The following CREB5 variants were observed in gnomAD, a reference collection of about 807,000 sequenced individuals.
The protein encoded by CREB5 is cyclic AMP-responsive element-binding protein 5.
A neutral mutation model predicts 57.1 loss-of-function variants in CREB5; 19 were observed. That is an observed-to-expected ratio of 0.33 (90% CI 0.23 to 0.49). The LOEUF is 0.49. Ranked by LOEUF, CREB5 falls within the 20% of genes least tolerant of loss-of-function variation. The probability of loss-of-function intolerance (pLI) is 0.99; values close to 1 mark genes in which losing one functional copy is unlikely to be tolerated. For missense variants in CREB5, 579 were observed against 671.6 expected (o/e 0.86, Z 1.52); for synonymous variants, 238 against 238.3 (o/e 1.00, Z 0.01).
chr7:28,379,359 A>T (rs1786912503), intron 1 of CREB5, among the ~76,000 whole-genome samples: 2 of 152,212 alleles, frequency 1.3e-5, no homozygotes, highest in Non-Finnish European at 2.9e-5. Context: ...TTTGTTTATC[A>T]CAATATGTTC....
chr7:28,819,656 A>C lies in CREB5; in HGVS notation c.*377A>C, dbSNP rs546568339. ...TTTAGCTAAAATGAGGTATACCTAG[A>C]TGTCAAGTAAGACAGATCCAAGGTA... On this transcript the variant is annotated 3_prime_UTR_variant, in exon 11 of 11. Coordinates refer to ENST00000357727, the MANE Select transcript of CREB5 (RefSeq NM_182898.4). The C allele has an allele frequency of 6.0e-6, 1 of 166,756 alleles. No homozygotes were observed. Among genetic ancestry groups the C allele is most frequent in the South Asian group, 1.6e-4 (1 of 6,268 alleles). The allele number at this position is 166,756 out of a possible 1,614,324, so 10.3% of individuals were successfully genotyped here. A position where few individuals can be genotyped will look rare whatever the true frequency, so the allele number is the denominator to read the frequency against.
At chr7:28,359,946 A>G (rs1262583169) in intron 1 of CREB5, among the ~76,000 whole-genome samples, 1 of 152,252 alleles carries the variant, frequency 6.6e-6, no homozygotes. Context: ...AACATGACAT[A>G]CAAATAGCCA....
chr7:28,784,088 CT>C (rs879412494), intron 7 of CREB5, among the ~76,000 whole-genome samples: 2 of 152,222 alleles, frequency 1.3e-5, no homozygotes, highest in Non-Finnish European at 2.9e-5. Context: ...ACTCAGATGA[CT>C]TTGTCCTGTT....
chr7:28,374,907 C>G (rs180710425), intron 1 of CREB5, among the ~76,000 whole-genome samples: 23 of 152,272 alleles, frequency 1.5e-4, no homozygotes, highest in Middle Eastern at 3.4e-3. Context: ...GCTCTTCCCT[C>G]TACAAGGGAA....
At chr7:28,424,318 C>T (rs1354657260) in intron 1 of CREB5, among the ~76,000 whole-genome samples, 1 of 152,174 alleles carries the variant, frequency 6.6e-6, no homozygotes, top group Non-Finnish European at 1.5e-5. Flanking sequence ...GTGTGTCCAG[C>T]AAGAAGGCAG....
At chr7:28,799,152 T>C (rs1002567899) in intron 7 of CREB5, among the ~76,000 whole-genome samples, 3 of 152,224 alleles carry the variant, frequency 2.0e-5, no homozygotes, top group Non-Finnish European at 4.4e-5. Context: ...CTGTGGCACA[T>C]GCAGAGCAGC....
chr7:28,641,359 G>A (rs568837143), intron 5 of CREB5, among the ~76,000 whole-genome samples: 21 of 152,228 alleles, frequency 1.4e-4, no homozygotes, highest in African/African-American at 4.6e-4. Flanking sequence ...AGGGGAAAGC[G>A]TGGAACCAAG....
intron 7 of CREB5, 51 bp from the exon 8 acceptor site, chr7:28,804,148 G>A (rs1430330035): frequency 6.4e-7 from 1 of 1,552,522 alleles, no homozygotes; most frequent in Non-Finnish European, 8.8e-7. Flanking sequence ...TCTCTATCAT[G>A]TACATGACTG....
chr7:28,366,491 T>C (rs1310544927), intron 1 of CREB5, among the ~76,000 whole-genome samples: 3 of 152,204 alleles, frequency 2.0e-5, no homozygotes, highest in Non-Finnish European at 4.4e-5. Context: ...CTCCATATTT[T>C]GTCTTTTTAA....
At chr7:28,303,405 A>C (rs1455441325) in intron 1 of CREB5, among the ~76,000 whole-genome samples, 2 of 152,232 alleles carry the variant, frequency 1.3e-5, no homozygotes, top group Non-Finnish European at 2.9e-5. Context: ...AAGCAATAAA[A>C]CATTAAGAAA....
chr7:28,342,353 A>G (rs572632458), intron 1 of CREB5, among the ~76,000 whole-genome samples: 1 of 152,322 alleles, frequency 6.6e-6, no homozygotes, highest in South Asian at 2.1e-4. Flanking sequence ...ATGAGCTGAG[A>G]GTGGCTAAGA....
chr7:28,687,621 C>T (rs557784466), intron 5 of CREB5, among the ~76,000 whole-genome samples: 1 of 151,204 alleles, frequency 6.6e-6, no homozygotes, highest in African/African-American at 2.4e-5. Context: ...CAAAACTTCT[C>T]TTGGGCTTAT....
At position 28,642,965 on chromosome 7, in the gene CREB5, CACACACACACACACACACACAT is replaced by C. The variant is rs1214823109; in HGVS notation, c.464+72450_464+72471del. Among the ~76,000 whole-genome samples the C allele has an allele frequency of 8.9e-3, 669 of 75,550 alleles. 2 individuals carry two copies. The highest frequency in any genetic ancestry group is 0.013 in the Non-Finnish European group (460 of 36,770). The allele number at this position is 75,550 out of a possible 152,430, so 49.6% of individuals were successfully genotyped here. Reference sequence around the variant, plus strand: ...GAGGGTAGATTTACACACACACACACACACACACACACACACACACATACACACACACACACACACACACACA... The same window carrying C: ...GAGGGTAGATTTACACACACACACACACACACACACACACACACACACACA... On this transcript the variant is annotated intron_variant, in intron 5 of 10. Coordinates refer to ENST00000357727, the MANE Select transcript of CREB5 (RefSeq NM_182898.4).
At chr7:28,374,534 C>T (rs1379444173) in intron 1 of CREB5, among the ~76,000 whole-genome samples, 1 of 152,168 alleles carries the variant, frequency 6.6e-6, no homozygotes, top group Non-Finnish European at 1.5e-5. Context: ...ACTACTGATA[C>T]ATGAAACAAT....
intron 1 of CREB5, among the ~76,000 whole-genome samples, chr7:28,485,366 C>T (rs892760253): frequency 1.3e-5 from 2 of 152,238 alleles, no homozygotes; most frequent in Non-Finnish European, 2.9e-5. Context: ...GTAAGAATAA[C>T]ATTCTACAGT....
At chr7:28,798,768 A>G (rs1025508069) in intron 7 of CREB5, among the ~76,000 whole-genome samples, 4 of 152,182 alleles carry the variant, frequency 2.6e-5, no homozygotes, top group African/African-American at 9.7e-5. Flanking sequence ...GTCGACAAGA[A>G]TCATTTTTCT....
chr7:28,667,293 A>G (rs893356587), intron 5 of CREB5, among the ~76,000 whole-genome samples: 18 of 149,902 alleles, frequency 1.2e-4, no homozygotes, highest in Admixed American at 8.1e-4. Flanking sequence ...TACCCTTCCT[A>G]TCTAGTTGCT....
At chr7:28,443,977 C>T (rs979190577) in intron 1 of CREB5, among the ~76,000 whole-genome samples, 1 of 152,108 alleles carries the variant, frequency 6.6e-6, no homozygotes, top group Non-Finnish European at 1.5e-5. Context: ...ACATAGAAGA[C>T]AGTGGTGCTA....
chr7:28,730,535 G>A (rs1803559678), intron 7 of CREB5, among the ~76,000 whole-genome samples: 1 of 152,132 alleles, frequency 6.6e-6, no homozygotes, highest in South Asian at 2.1e-4. Context: ...GAAAGGTTGG[G>A]TATGTTGTAG....
Sources: gnomAD v4.1 joint callset for allele counts (sites outside exome capture counted in the v4.1 genomes callset) on GRCh38, gnomAD v4.1.1 for gene constraint, MANE v1.5 for transcripts, NCBI Gene and HGNC (gene_info 2026-07-23, HGNC 2026-07-21) for gene names.